OTOG: variants seen among roughly 807,000 people sequenced by gnomAD.
The protein encoded by OTOG is otogelin.
Under a neutral mutation model 313.8 loss-of-function variants are expected in OTOG, and 296 were observed. That is an observed-to-expected ratio of 0.94 (90% confidence interval 0.86 to 1.04). The LOEUF is 1.04. OTOG is among the 50% of genes least tolerant of loss of function. The pLI, the probability that OTOG is intolerant of heterozygous loss-of-function variation, is 0.00. For synonymous variants in OTOG, 1,533 were observed against 1,554.9 expected (o/e 0.99, Z 0.33); for missense variants, 3,948 against 3,840.1 (o/e 1.03, Z -0.74).
chr11:17,609,773 G>A lies in OTOG; in HGVS notation c.4473G>A (p.Arg1491=), dbSNP rs1283583383. 6.5e-6 allele frequency: 10 copies of A among 1,548,594 alleles called. No homozygotes were observed. In the African/African-American group the frequency reaches 6.9e-5, roughly 11 times the overall value. ...CACAGCTGTCACAGGAAAGCCCCAG[G>A]ACCCCCACCCACAGGCCAGCCCTCA... ...EEPQLSQESP[R]TPTHRPALTP... Residue 1491 remains arginine, a synonymous_variant, in exon 36 of 56, where the codon AGG becomes AGA. Coordinates refer to ENST00000399397, the MANE Select transcript of OTOG (RefSeq NM_001292063.2).
intron 53 of OTOG, among the ~76,000 whole-genome samples, chr11:17,642,624 C>T (rs1486376208): frequency 6.6e-6 from 1 of 152,212 alleles, no homozygotes; most frequent in African/African-American, 2.4e-5. Flanking sequence ...TAAGCACACT[C>T]TTGCACACAC....
At chr11:17,613,265 TTCTCTCTCTGTCTG>T (rs1348712245) in intron 38 of OTOG, among the ~76,000 whole-genome samples, 33 of 138,730 alleles carry the variant, frequency 2.4e-4, no homozygotes, top group South Asian at 4.9e-4. Context: ...CTTTCTTTCT[TTCTCTCTCTGTCTG>T]TCTTTCTCCT....
intron 32 of OTOG, among the ~76,000 whole-genome samples, chr11:17,605,213 A>T (rs930860942): frequency 6.6e-6 from 1 of 152,252 alleles, no homozygotes; most frequent in East Asian, 1.9e-4. Context: ...CCCACCAGGC[A>T]TCAAGCCCCC....
chr11:17,644,626 G>A (rs545114009), intron 54 of OTOG, among the ~76,000 whole-genome samples: 1 of 152,128 alleles, frequency 6.6e-6, no homozygotes, highest in African/African-American at 2.4e-5. Context: ...ATGCAATGTG[G>A]GGGGCTTCAA....
Position 17,608,020 on chromosome 11 carries a change from G to A in OTOG, c.4157-276G>A, listed in dbSNP as rs7127953. 0.087 allele frequency among the ~76,000 whole-genome samples: 13,204 copies of A among 152,074 alleles called. 1,078 individuals carry two copies. The highest frequency in any genetic ancestry group is 0.21 in the African/African-American group (8,833 of 41,468). On this transcript the variant is annotated intron_variant, in intron 33 of 55. Coordinates refer to ENST00000399397, the MANE Select transcript of OTOG (RefSeq NM_001292063.2). ...CCTTCGAAACCTCACTCCAACTGCC[G>A]GGGCCAGAGCTTCCCTGTCCTCAGT...
In OTOG at chr11:17,610,798, T is replaced by G. The variant is rs753324607; in HGVS notation, c.5498T>G (p.Leu1833Arg). 2 of 1,549,702 alleles carry G rather than the reference T, an allele frequency of 1.3e-6. No individual in the cohort carries two copies. The highest frequency in any genetic ancestry group is 2.4e-5 in the South Asian group (2 of 84,038). The change falls in exon 36 of 56, where the codon CTC becomes CGC. Residue 1833 changes from leucine to arginine, a missense_variant. Physicochemically the swap from Leu to Arg is moderately radical, Grantham distance 102. Transcript: ENST00000399397. The part of the protein sequence containing the change: ...GPKASVITTP[L>R]QPQATTLPAQ... Reference sequence around the variant, plus strand: ...AAAGCCTCTGTCATCACCACTCCACTCCAGCCACAGGCCACGACTCTGCCT... The same window carrying G: ...AAAGCCTCTGTCATCACCACTCCACGCCAGCCACAGGCCACGACTCTGCCT...
chr11:17,548,119 C>T, intron 2 of OTOG, 33 bp from the exon 3 acceptor site: 1 of 1,538,720 alleles, frequency 6.5e-7, no homozygotes, highest in Non-Finnish European at 8.8e-7. Flanking sequence ...CCATCCTAGC[C>T]CCCCATCCAT....
chr11:17,627,519 A>G (rs1051929340), intron 39 of OTOG, among the ~76,000 whole-genome samples: 1 of 152,214 alleles, frequency 6.6e-6, no homozygotes, highest in East Asian at 1.9e-4. Context: ...GGATTTTTGC[A>G]TCAATATTTT....
rs369969300 is a variant in OTOG at position 17,573,111 on chromosome 11, C to T, written c.2114C>T (p.Thr705Met). 52 of 1,548,120 alleles carry T rather than the reference C, an allele frequency of 3.4e-5. No homozygotes were observed. Among genetic ancestry groups the T allele is most frequent in the Non-Finnish European group, 4.3e-5 (49 of 1,146,974 alleles). Reference protein sequence around the residue: ...SYSVQACSVLTGEMFAPCSAF... With the variant: ...SYSVQACSVLMGEMFAPCSAF... ...TCAGTGCAGGCCTGCAGCGTGCTCA[C>T]GGGGGAGATGTTTGCGCCCTGCTCT... The change falls in exon 19 of 56, where the codon ACG (threonine) becomes ATG (methionine). Residue 705 changes from threonine to methionine, a missense_variant. By Grantham distance (81) the Thr-to-Met change is moderately conservative (BLOSUM62 -1). Transcript: ENST00000399397.
Position 17,586,586 on chromosome 11 carries a change from G to A in OTOG, c.2867+5G>A. 1.5e-6 allele frequency: 2 copies of A among 1,368,574 alleles called. No homozygotes were observed. Among genetic ancestry groups the A allele is most frequent in the Non-Finnish European group, 1.9e-6 (2 of 1,052,578 alleles). The allele number at this position is 1,368,574 out of a possible 1,614,324, so 84.8% of individuals were successfully genotyped here. On this transcript the variant is annotated splice_donor_5th_base_variant and intron_variant, in intron 24 of 55. Transcript: ENST00000399397. ...GATGTCTCCTTGCCATACCTGGTAA[G>A]TGAGGGTCCCAAGCAGGCTTTGCTT...
chr11:17,583,487 CAT>C (rs35410255), intron 23 of OTOG, among the ~76,000 whole-genome samples: 1,641 of 152,296 alleles, frequency 0.011, 12 homozygotes, highest in Non-Finnish European at 0.019. Context: ...ATATTTTACA[CAT>C]GTTTCAAAAT....
intron 3 of OTOG, among the ~76,000 whole-genome samples, chr11:17,549,479 A>T (rs555878103): frequency 1.3e-5 from 2 of 152,218 alleles, no homozygotes; most frequent in East Asian, 3.9e-4. Context: ...AGGCCCTAAG[A>T]TTTAGAATCA....
At chr11:17,579,026 C>T (rs2134037315) in intron 23 of OTOG, among the ~76,000 whole-genome samples, 1 of 152,352 alleles carries the variant, frequency 6.6e-6, no homozygotes, top group East Asian at 1.9e-4. Context: ...CCCCAGAACC[C>T]TGCCATTAAA....
chr11:17,578,831 T>G (rs1195549232), intron 23 of OTOG, among the ~76,000 whole-genome samples: 1 of 152,160 alleles, frequency 6.6e-6, no homozygotes, highest in Non-Finnish European at 1.5e-5. Context: ...GTGGAAGCAC[T>G]GAGTGGGGTG....
At chr11:17,578,002 C>T (rs1419365282) in intron 22 of OTOG, among the ~76,000 whole-genome samples, 3 of 152,100 alleles carry the variant, frequency 2.0e-5, no homozygotes, top group African/African-American at 7.2e-5. Context: ...GCACTTCTCA[C>T]TTTATGGTGA....
chr11:17,633,857 T>A lies in OTOG; in HGVS notation c.7250T>A (p.Ile2417Asn), dbSNP rs1449018900. 2.6e-6 allele frequency: 4 copies of A among 1,541,832 alleles called. No individual in the cohort carries two copies. The highest frequency in any genetic ancestry group is 3.5e-6 in the Non-Finnish European group (4 of 1,143,114). Residue 2417 changes from isoleucine (I) to asparagine (N), a missense_variant, in exon 43 of 56, where the codon ATC (isoleucine) becomes AAC (asparagine). Coordinates refer to ENST00000399397, the MANE Select transcript of OTOG (RefSeq NM_001292063.2). ...ILHRRHSALC[I>N]PEAKCACTDS... ...CACCGGCGCCACTCTGCACTCTGCATCCCGGAGGCCAAGTGCGGTAGGTTC... is the reference window on the plus strand; with the variant it reads ...CACCGGCGCCACTCTGCACTCTGCAACCCGGAGGCCAAGTGCGGTAGGTTC...
In OTOG at chr11:17,610,373, A is replaced by C. The variant is rs1049172228; in HGVS notation, c.5073A>C (p.Ser1691=). 6.6e-5 allele frequency: 102 copies of C among 1,550,476 alleles called. No homozygotes were observed. Among genetic ancestry groups the C allele is most frequent in the Non-Finnish European group, 8.4e-5 (96 of 1,146,980 alleles). ...VPQPTQAQSA[S]SPSTPLTVAG... is the part of the protein sequence containing the mutation. ...AGCCCACCCAGGCCCAGAGTGCTTCAAGTCCCAGCACCCCTCTAACTGTGG... is the reference window on the plus strand; with the variant it reads ...AGCCCACCCAGGCCCAGAGTGCTTCCAGTCCCAGCACCCCTCTAACTGTGG... The change falls in exon 36 of 56, where the codon TCA becomes TCC. Residue 1691 remains serine (S), a synonymous_variant. Coordinates refer to ENST00000399397, the MANE Select transcript of OTOG (RefSeq NM_001292063.2).
At chr11:17,563,023 G>T (rs913903469) in intron 15 of OTOG, among the ~76,000 whole-genome samples, 1 of 152,144 alleles carries the variant, frequency 6.6e-6, no homozygotes, top group Non-Finnish European at 1.5e-5. Context: ...ACTTCTTGTT[G>T]TTGTTGTTTT....
intron 46 of OTOG, 36 bp downstream of exon 46, chr11:17,635,223 C>G (rs1041853463): frequency 6.7e-6 from 10 of 1,490,512 alleles, no homozygotes; most frequent in Non-Finnish European, 9.0e-6. Flanking sequence ...CGCACACAGC[C>G]TGATCACAGT....
Sources: allele counts gnomAD v4.1 joint callset (sites outside exome capture counted in the v4.1 genomes callset), GRCh38; gene constraint gnomAD v4.1.1; transcripts MANE v1.5; gene names NCBI Gene and HGNC (gene_info 2026-07-23, HGNC 2026-07-21).